The following AOX1 variants were observed in gnomAD, a reference collection of about 807,000 sequenced individuals.
AOX1 encodes aldehyde oxidase 1, also known as aldehyde oxidase.
AOX1 carries 153 observed loss-of-function variants against 169.5 expected under a neutral mutation model. That is an observed-to-expected ratio of 0.90 (90% CI 0.79 to 1.03). The LOEUF (loss-of-function observed/expected upper bound fraction) is 1.03. Ranked by LOEUF, AOX1 falls within the 50% of genes least tolerant of loss-of-function variation. The probability of loss-of-function intolerance (pLI) is 0.00; values close to 1 mark genes in which losing one functional copy is unlikely to be tolerated. For missense variants in AOX1, 1,656 were observed against 1,663.9 expected, an observed-to-expected ratio of 1.00 and a Z score of 0.08; for synonymous variants, 562 against 581.9, an observed-to-expected ratio of 0.97 and a Z score of 0.49.
Position 200,604,817 on chromosome 2 carries a change from T to G in AOX1, c.791T>G (p.Val264Gly), listed in dbSNP as rs1330680173. 2.5e-6 allele frequency: 4 copies of G among 1,613,982 alleles called. No homozygotes were observed. Among genetic ancestry groups the G allele is most frequent in the Non-Finnish European group, 3.4e-6 (4 of 1,179,946 alleles). The change falls in exon 9 of 35, where the codon GTT becomes GGT. Residue 264 changes from valine to glycine, a missense_variant. Transcript: ENST00000374700. ...EFKFKYPQAP[V>G]IMGNTSVGPE... ...AAATTCAAGTATCCCCAGGCTCCTGTTATCATGGGAAACACCTCTGTGGGT... is the reference window on the plus strand; with the variant it reads ...AAATTCAAGTATCCCCAGGCTCCTGGTATCATGGGAAACACCTCTGTGGGT...
At chr2:200,673,206 G>GTC (rs1296697450), downstream of AOX1, among the ~76,000 whole-genome samples, 1 of 152,172 alleles carries the variant, frequency 6.6e-6, no homozygotes, top group African/African-American at 2.4e-5. Context: ...CTCTTTCCCA[G>GTC]TCTCTCTGCC....
rs2105705610 is a variant in AOX1 at position 200,609,065 on chromosome 2, A to C, written c.989A>C (p.Lys330Thr). The part of the protein sequence containing the change: ...ADVVQKLPEE[K>T]TQMYHALLKH... ...GTAGTCCAGAAGCTTCCAGAGGAGA[A>C]GACACAGATGTACCATGCTCTCCTG... The change falls in exon 11 of 35, where the codon AAG becomes ACG. Residue 330 changes from lysine (K) to threonine (T), a missense_variant. Transcript: ENST00000374700. 1 of 1,614,110 alleles carries C rather than the reference A, an allele frequency of 6.2e-7. No homozygotes were observed. Among genetic ancestry groups the C allele is most frequent in the East Asian group, 2.2e-5 (1 of 44,876 alleles).
chr2:200,630,210 TAAAA>T (rs57410809), intron 20 of AOX1, among the ~76,000 whole-genome samples: 126 of 95,520 alleles, frequency 1.3e-3, no homozygotes, highest in Non-Finnish European at 1.5e-3. Context: ...TCCTTCTATT[TAAAA>T]AAAAAAAAAA....
Position 200,642,689 on chromosome 2 carries a change from C to G in AOX1, c.2735C>G (p.Thr912Ser), listed in dbSNP as rs2035375281. The change falls in exon 25 of 35, where the codon ACC becomes AGC. Residue 912 changes from threonine to serine, a missense_variant. Transcript: ENST00000374700. ...NLRCRGWACR[T>S]NLPSNTAFRG... is the part of the protein sequence containing the mutation. ...CGCTGCCGGGGTTGGGCATGCAGAACCAACCTTCCATCCAACACAGCTTTT... is the reference window on the plus strand; with the variant it reads ...CGCTGCCGGGGTTGGGCATGCAGAAGCAACCTTCCATCCAACACAGCTTTT... 1 of 1,614,126 alleles carries G rather than the reference C, an allele frequency of 6.2e-7. No homozygotes were observed.
chr2:200,609,178 G>C, intron 11 of AOX1, 43 bp downstream of exon 11: 1 of 1,607,880 alleles, frequency 6.2e-7, no homozygotes, highest in South Asian at 1.1e-5. Context: ...CATCCCTTGG[G>C]TGACTCTCCC....
downstream of AOX1, among the ~76,000 whole-genome samples, chr2:200,677,921 G>A (rs2036121302): frequency 6.6e-6 from 1 of 152,182 alleles, no homozygotes; most frequent in African/African-American, 2.4e-5. Flanking sequence ...GGCTCAGAGT[G>A]GTTATGTAAC....
intron 32 of AOX1, among the ~76,000 whole-genome samples, chr2:200,668,386 G>A (rs1413304043): frequency 1.3e-5 from 2 of 152,136 alleles, no homozygotes; most frequent in African/African-American, 2.4e-5. Context: ...TGGGATTACA[G>A]GTGTGAGCCA....
Position 200,615,741 on chromosome 2 carries a change from G to A in AOX1, c.1612-230G>A, listed in dbSNP as rs182515005. On this transcript the variant is annotated intron_variant, in intron 15 of 34. Transcript: ENST00000374700. The stretch of plus-strand genomic sequence containing the variant: ...AGCTGGTGGAAGCCAGTTACCTACC[G>A]TATTCATCTGGCTATTCATAATATG... Among the ~76,000 whole-genome samples, 536 of 152,274 alleles carry A rather than the reference G, an allele frequency of 3.5e-3. 4 individuals are homozygous for A. The highest frequency in any genetic ancestry group is 6.6e-3 in the Non-Finnish European group (447 of 68,020).
intron 18 of AOX1, 131 bp downstream of exon 18, chr2:200,621,377 G>A (rs1469955511): frequency 2.9e-5 from 24 of 838,428 alleles, no homozygotes; most frequent in Non-Finnish European, 4.3e-5. Flanking sequence ...TATTATAAAA[G>A]TATATTCTAA....
chr2:200,637,592 C>T (rs184155626), intron 22 of AOX1, among the ~76,000 whole-genome samples: 1 of 151,932 alleles, frequency 6.6e-6, no homozygotes, highest in East Asian at 1.9e-4. Flanking sequence ...CACATATATA[C>T]ATATACGTGT....
intron 9 of AOX1, 72 bp downstream of exon 9, chr2:200,604,912 G>A (rs2034485087): frequency 3.1e-6 from 4 of 1,297,538 alleles, no homozygotes; most frequent in African/African-American, 1.5e-5. Context: ...GGGGTGGGCT[G>A]GGGAAACTTC....
chr2:200,655,079 A>G (rs2035655814), intron 26 of AOX1, among the ~76,000 whole-genome samples: 1 of 152,222 alleles, frequency 6.6e-6, no homozygotes. Context: ...AATTACATGC[A>G]CACTTTGCGA....
chr2:200,677,163 C>A, downstream of AOX1: 1 of 328,000 alleles, frequency 3.0e-6, no homozygotes, highest in Non-Finnish European at 6.0e-6. Flanking sequence ...CTGTGACAAA[C>A]CTATAACAAT....
At position 200,641,201 on chromosome 2, in the gene AOX1, G is replaced by T. The variant is rs1426634827; in HGVS notation, c.2655+17G>T. 6.5e-7 allele frequency: 1 copy of T among 1,527,770 alleles called. No individual in the cohort carries two copies. 94.6% of individuals were successfully genotyped at this position (1,527,770 alleles called of 1,614,324 possible). The stretch of plus-strand genomic sequence containing the variant: ...TCATTATTCGTAAGTGTTTTAAGGA[G>T]CAAGTTCACATTCCTGAAAAGAGTG... On this transcript the variant is annotated intron_variant, in intron 24 of 34. Coordinates refer to ENST00000374700, the MANE Select transcript of AOX1 (RefSeq NM_001159.4).
At chr2:200,639,251 TGAGGGCAGCAGA>T (rs2035303427) in intron 23 of AOX1, among the ~76,000 whole-genome samples, 1 of 152,182 alleles carries the variant, frequency 6.6e-6, no homozygotes, top group African/African-American at 2.4e-5. Context: ...GATCTTTTGC[TGAGGGCAGCAGA>T]CAGGGAAGCG....
At chr2:200,592,025 A>G (rs1043612079) in intron 1 of AOX1, among the ~76,000 whole-genome samples, 3 of 152,208 alleles carry the variant, frequency 2.0e-5, no homozygotes, top group African/African-American at 7.2e-5. Context: ...GACCTAGCAG[A>G]TACTGAGGCC....
At position 200,645,277 on chromosome 2, in the gene AOX1, C is replaced by T. The variant is rs527880835; in HGVS notation, c.2847+2476C>T. On this transcript the variant is annotated intron_variant, in intron 25 of 34. Transcript: ENST00000374700. ...TGCTGATTTTGCTGAGAGTTTTAAT[C>T]ATAAAGAGATGCTGGATTTTGTCAA... 5.1e-4 allele frequency among the ~76,000 whole-genome samples: 78 copies of T among 152,198 alleles called. 1 individual carries two copies. Among genetic ancestry groups the T allele is most frequent in the Non-Finnish European group, 2.1e-4 (14 of 67,970 alleles).
At chr2:200,594,925 CAG>C (rs2034249785) in intron 2 of AOX1, among the ~76,000 whole-genome samples, 1 of 151,784 alleles carries the variant, frequency 6.6e-6, no homozygotes, top group South Asian at 2.1e-4. Flanking sequence ...TCATCAAAGA[CAG>C]AGATAAGGAT....
Position 200,659,197 on chromosome 2 carries a change from G to A in AOX1, c.3204G>A (p.Ser1068=), listed in dbSNP as rs745437388. 4.2e-5 allele frequency: 67 copies of A among 1,613,688 alleles called. No homozygotes were observed. In the South Asian group the frequency reaches 5.8e-4, roughly 14 times the overall value. Residue 1068 remains serine (S), a synonymous_variant, in exon 28 of 35, where the codon TCG becomes TCA. Transcript: ENST00000374700. ...GCCGTGAATTAAGAATGCCAATGTCGAATGTCCACCTGCGTGGAACAAGCA... is the reference window on the plus strand; with the variant it reads ...GCCGTGAATTAAGAATGCCAATGTCAAATGTCCACCTGCGTGGAACAAGCA... The part of the protein sequence containing the change: ...VVSRELRMPM[S]NVHLRGTSTE...
Sources: allele counts gnomAD v4.1 joint callset (sites outside exome capture counted in the v4.1 genomes callset), GRCh38; gene constraint gnomAD v4.1.1; transcripts MANE v1.5; gene names NCBI Gene and HGNC (gene_info 2026-07-23, HGNC 2026-07-21).